Variants in DPP10 observed in about 807,000 individuals in gnomAD.
The protein encoded by DPP10 is dipeptidyl peptidase like 10, also known as inactive dipeptidyl peptidase 10.
In DPP10, 33 loss-of-function variants were observed where a neutral mutation model predicts 120.9. The ratio of observed to expected loss-of-function variants is 0.27; its 90% CI spans 0.21 to 0.37. The LOEUF (loss-of-function observed/expected upper bound fraction) is 0.37, where lower values mean the gene tolerates loss of function less well. Among genes scored for constraint, DPP10 ranks in the 10% least tolerant of loss-of-function variants. The pLI, the probability that DPP10 is intolerant of heterozygous loss-of-function variation, is 1.00. For synonymous variants in DPP10, 337 were observed against 326.1 expected (o/e 1.03, Z -0.36); for missense variants, 816 against 942.8 (o/e 0.87, Z 1.76).
At chr2:114,996,794 T>A (rs995063469) in intron 1 of DPP10, among the ~76,000 whole-genome samples, 1 of 151,654 alleles carries the variant, frequency 6.6e-6, no homozygotes, top group Non-Finnish European at 1.5e-5. Context: ...CCATCCTGGC[T>A]AACACAGTGA....
chr2:115,467,895 A>T (rs1015660065), intron 3 of DPP10, among the ~76,000 whole-genome samples: 16 of 152,158 alleles, frequency 1.1e-4, no homozygotes, highest in African/African-American at 3.9e-4. Flanking sequence ...AGTACTATGC[A>T]ACAGTTTTGC....
chr2:114,974,265 T>A (rs1699599151), intron 1 of DPP10, among the ~76,000 whole-genome samples: 1 of 152,134 alleles, frequency 6.6e-6, no homozygotes, highest in Admixed American at 6.5e-5. Context: ...TTAGTGTACT[T>A]TTTCTATGTT....
intron 2 of DPP10, among the ~76,000 whole-genome samples, chr2:115,319,864 G>A (rs1337514446): frequency 6.6e-6 from 1 of 152,114 alleles, no homozygotes; most frequent in Non-Finnish European, 1.5e-5. Flanking sequence ...TCACATGGCA[G>A]AAGGAACAGA....
chr2:114,744,592 A>T (rs1418179448), intron 1 of DPP10, among the ~76,000 whole-genome samples: 1 of 152,216 alleles, frequency 6.6e-6, no homozygotes, highest in Admixed American at 6.5e-5. Flanking sequence ...AAATAGAGGC[A>T]GTTATGCGGA....
intron 21 of DPP10, among the ~76,000 whole-genome samples, chr2:115,834,382 T>C (rs72830514): frequency 0.025 from 3,771 of 152,268 alleles, 59 homozygotes; most frequent in Non-Finnish European, 0.037. Context: ...ATTTCTGAGA[T>C]TGAGGCCTGA....
At chr2:115,178,848 C>T (rs970725385) in intron 1 of DPP10, among the ~76,000 whole-genome samples, 8 of 152,154 alleles carry the variant, frequency 5.3e-5, no homozygotes, top group African/African-American at 1.7e-4. Flanking sequence ...TCAAAAATAT[C>T]ATCGGGTCAA....
chr2:115,487,029 T>C (rs1016582516), intron 3 of DPP10, among the ~76,000 whole-genome samples: 1 of 152,190 alleles, frequency 6.6e-6, no homozygotes, highest in Non-Finnish European at 1.5e-5. Context: ...ATGCTTTTAT[T>C]TTGGATATCT....
At chr2:114,758,715 G>A (rs1275268944) in intron 1 of DPP10, among the ~76,000 whole-genome samples, 2 of 152,056 alleles carry the variant, frequency 1.3e-5, no homozygotes, top group Admixed American at 1.3e-4. Context: ...GAGATGTCTT[G>A]CATATAAAAT....
At chr2:115,790,777 G>A (rs979764151) in intron 17 of DPP10, among the ~76,000 whole-genome samples, 4 of 152,044 alleles carry the variant, frequency 2.6e-5, no homozygotes, top group African/African-American at 7.2e-5. Context: ...ATTGTGAATC[G>A]CATCTCATTT....
chr2:115,703,230 G>T (rs894500199), intron 7 of DPP10, among the ~76,000 whole-genome samples: 1 of 151,422 alleles, frequency 6.6e-6, no homozygotes, highest in Admixed American at 6.6e-5. Flanking sequence ...TTATTATTTT[G>T]CTTTGTGATT....
intron 3 of DPP10, among the ~76,000 whole-genome samples, chr2:115,443,581 A>G (rs371436477): frequency 6.6e-6 from 1 of 152,178 alleles, no homozygotes; most frequent in East Asian, 1.9e-4. Context: ...AGAAGTGTTG[A>G]ATTTTCTGAA....
intron 24 of DPP10, 41 bp from the exon 25 acceptor site, chr2:115,840,705 ACAAG>A: frequency 6.4e-7 from 1 of 1,558,046 alleles, no homozygotes; most frequent in Non-Finnish European, 8.8e-7. Context: ...AAGTTCTCAT[ACAAG>A]CAGTGTGTTT....
intron 1 of DPP10, among the ~76,000 whole-genome samples, chr2:114,987,160 A>G (rs1334852662): frequency 6.6e-6 from 1 of 152,196 alleles, no homozygotes; most frequent in Non-Finnish European, 1.5e-5. Context: ...ATACACTTAT[A>G]TCAGTGATTT....
chr2:115,327,399 G>A (rs1209026692), intron 2 of DPP10, among the ~76,000 whole-genome samples: 1 of 152,018 alleles, frequency 6.6e-6, no homozygotes, highest in Non-Finnish European at 1.5e-5. Flanking sequence ...ACTAGGAAAA[G>A]CTCACTAGAG....
At chr2:115,078,306 A>T (rs1291992887) in intron 1 of DPP10, among the ~76,000 whole-genome samples, 1 of 152,250 alleles carries the variant, frequency 6.6e-6, no homozygotes, top group Non-Finnish European at 1.5e-5. Context: ...AATGTTAAAT[A>T]CTACTGAAAT....
At chr2:115,627,108 T>C (rs909679562) in intron 5 of DPP10, among the ~76,000 whole-genome samples, 1 of 152,004 alleles carries the variant, frequency 6.6e-6, no homozygotes, top group Non-Finnish European at 1.5e-5. Flanking sequence ...AATAACATGT[T>C]GAATTACAAA....
intron 1 of DPP10, among the ~76,000 whole-genome samples, chr2:114,686,202 C>T (rs1451736031): frequency 2.0e-5 from 3 of 151,890 alleles, no homozygotes; most frequent in Non-Finnish European, 4.4e-5. Context: ...AGTTCTAAAA[C>T]TTCTGAGCTA....
chr2:115,342,216 T>A (rs1438319692), intron 2 of DPP10: 1 of 446,044 alleles, frequency 2.2e-6, no homozygotes, highest in Non-Finnish European at 4.5e-6. Context: ...ATTTGTTTTT[T>A]GAGACAAGGT....
intron 1 of DPP10, among the ~76,000 whole-genome samples, chr2:114,851,620 A>T (rs1269354298): frequency 6.6e-6 from 1 of 152,226 alleles, no homozygotes; most frequent in Non-Finnish European, 1.5e-5. Context: ...CAATTTAAGC[A>T]TTCTAGTATA....
Sources: allele counts gnomAD v4.1 joint callset (sites outside exome capture counted in the v4.1 genomes callset), GRCh38; gene constraint gnomAD v4.1.1; transcripts MANE v1.5; gene names NCBI Gene and HGNC (gene_info 2026-07-23, HGNC 2026-07-21).